Variants in PNPT1 observed in about 807,000 individuals in gnomAD.
PNPT1 encodes polyribonucleotide nucleotidyltransferase 1, mitochondrial.
In PNPT1, 53 loss-of-function variants were observed where a neutral mutation model predicts 119.5. That is an observed-to-expected ratio of 0.44 (90% CI 0.36 to 0.56). The LOEUF (loss-of-function observed/expected upper bound fraction) is 0.56, where lower values mean the gene tolerates loss of function less well. Ranked by LOEUF, PNPT1 falls within the 20% of genes least tolerant of loss-of-function variation. The pLI, the probability that PNPT1 is intolerant of heterozygous loss-of-function variation, is 0.00. For missense variants in PNPT1, 948 were observed against 938.5 expected (o/e 1.01, Z -0.13); for synonymous variants, 357 against 322.1 (o/e 1.11, Z -1.16).
chr2:55,656,150 A>G lies in PNPT1; in HGVS notation c.1422T>C (p.Ser474=), dbSNP rs1696379610. ...CCATACCATTTGACTCTAGGACTTC[A>G]GATGTAACTCTTATGGTGAAAGGAA... ...RDFPFTIRVT[S]EVLESNGSSS... Residue 474 remains serine, a synonymous_variant, in exon 17 of 28, where the codon TCT becomes TCC. Coordinates refer to ENST00000447944, the MANE Select transcript of PNPT1 (RefSeq NM_033109.5). The G allele has an allele frequency of 6.2e-7, 1 of 1,613,236 alleles. No homozygotes were observed. Among genetic ancestry groups the G allele is most frequent in the Non-Finnish European group, 8.5e-7 (1 of 1,179,630 alleles).
At position 55,660,298 on chromosome 2, in the gene PNPT1, G is replaced by A. The variant is rs910036299; in HGVS notation, c.1248-105C>T. 8.4e-5 allele frequency: 101 copies of A among 1,199,970 alleles called. No individual in the cohort carries two copies. The African/African-American group carries it at 1.5e-3, about 17-fold the overall frequency. The allele number at this position is 1,199,970 out of a possible 1,614,324, so 74.3% of individuals were successfully genotyped here. Reference sequence around the variant, plus strand: ...AGGGGATTTTACAAAAGAACTAGGTGTTAATGAAAAATCAGACTGAAACTG... The same window carrying A: ...AGGGGATTTTACAAAAGAACTAGGTATTAATGAAAAATCAGACTGAAACTG... On this transcript the variant is annotated intron_variant, in intron 14 of 27. Transcript: ENST00000447944.
chr2:55,677,331 C>T (rs1041770961), intron 8 of PNPT1, among the ~76,000 whole-genome samples: 4 of 152,208 alleles, frequency 2.6e-5, no homozygotes, highest in African/African-American at 7.2e-5. Context: ...CAGTGGCTCA[C>T]GCCTATAATC....
At chr2:55,650,933 CGGGA>C (rs1696163955) in intron 18 of PNPT1, among the ~76,000 whole-genome samples, 3 of 138,296 alleles carry the variant, frequency 2.2e-5, no homozygotes, top group Non-Finnish European at 4.8e-5. Flanking sequence ...CCGCCCCGTC[CGGGA>C]GGGAGGTGGG....
intron 14 of PNPT1, among the ~76,000 whole-genome samples, chr2:55,660,962 C>G (rs890896924): frequency 6.6e-6 from 1 of 152,086 alleles, no homozygotes; most frequent in Admixed American, 6.6e-5. Flanking sequence ...GAGGGCCGAG[C>G]CTTGTGGTCT....
Position 55,680,895 on chromosome 2 carries a change from T to G in PNPT1, c.477A>C (p.Val159=), listed in dbSNP as rs1433511252. ...GGACATCAGGCTCATTTACACCATC[T>G]ACTGCTAACAGATTACACAGAACCT... ...DTQVLCNLLA[V]DGVNEPDVLA... Residue 159 remains valine, a synonymous_variant, in exon 6 of 28, where the codon GTA becomes GTC. Coordinates refer to ENST00000447944, the MANE Select transcript of PNPT1 (RefSeq NM_033109.5). The G allele has an allele frequency of 1.2e-6, 2 of 1,614,070 alleles. No homozygotes were observed. The highest frequency in any genetic ancestry group is 1.1e-5 in the South Asian group (1 of 91,080).
chr2:55,644,856 A>AATTTT (rs1695936631), intron 22 of PNPT1, 136 bp from the exon 23 acceptor site: 1 of 491,786 alleles, frequency 2.0e-6, no homozygotes, highest in South Asian at 4.5e-5. Flanking sequence ...ACAGAAAAGT[A>AATTTT]GATGATTAAA....
intron 18 of PNPT1, among the ~76,000 whole-genome samples, chr2:55,650,301 C>A (rs1221949629): frequency 6.6e-6 from 1 of 152,196 alleles, no homozygotes; most frequent in Non-Finnish European, 1.5e-5. Flanking sequence ...CGCCGCCACG[C>A]CTGACTGGTT....
intron 15 of PNPT1, among the ~76,000 whole-genome samples, chr2:55,656,797 ATC>A (rs1214549561): frequency 1.3e-5 from 2 of 152,222 alleles, no homozygotes; most frequent in Non-Finnish European, 2.9e-5. Flanking sequence ...TTTTAGAGTT[ATC>A]TCTCTCCACT....
At chr2:55,637,032 G>GTT (rs1203797765) in intron 27 of PNPT1, among the ~76,000 whole-genome samples, 1 of 152,300 alleles carries the variant, frequency 6.6e-6, no homozygotes, top group East Asian at 1.9e-4. Flanking sequence ...GCGTATTAGC[G>GTT]TAAGTGAAAG....
intron 14 of PNPT1, among the ~76,000 whole-genome samples, chr2:55,661,618 C>T (rs563869725): frequency 6.6e-6 from 1 of 152,258 alleles, no homozygotes; most frequent in Non-Finnish European, 1.5e-5. Context: ...TGGGAGCTTT[C>T]GTGTATTCAT....
intron 9 of PNPT1, 89 bp downstream of exon 9, chr2:55,672,804 T>C (rs1201265996): frequency 1.2e-5 from 15 of 1,213,502 alleles, no homozygotes; most frequent in Admixed American, 4.8e-5. Context: ...AAGTAATGCA[T>C]GGGCAGTGCT....
chr2:55,670,634 T>A (rs1696882081), intron 11 of PNPT1, among the ~76,000 whole-genome samples: 1 of 152,238 alleles, frequency 6.6e-6, no homozygotes, highest in Non-Finnish European at 1.5e-5. Flanking sequence ...GGCACAGATG[T>A]AAATGATTCA....
chr2:55,665,672 G>A (rs183435791), intron 13 of PNPT1, among the ~76,000 whole-genome samples: 26 of 152,302 alleles, frequency 1.7e-4, no homozygotes, highest in African/African-American at 6.0e-4. Context: ...GTGCCCTGGA[G>A]GTGTGCAGTT....
At chr2:55,640,283 A>G (rs1695795809) in intron 26 of PNPT1, among the ~76,000 whole-genome samples, 1 of 152,072 alleles carries the variant, frequency 6.6e-6, no homozygotes, top group Admixed American at 6.6e-5. Flanking sequence ...CCTCCCGAGT[A>G]GCTAAGACTA....
chr2:55,646,476 T>A lies in PNPT1; in HGVS notation c.1613A>T (p.Asp538Val). 6.2e-7 allele frequency: 1 copy of A among 1,609,748 alleles called. No individual in the cohort carries two copies. The highest frequency in any genetic ancestry group is 8.5e-7 in the Non-Finnish European group (1 of 1,178,576). Residue 538 changes from aspartate (D) to valine (V), a missense_variant, in exon 20 of 28, where the codon GAT becomes GTT. Coordinates refer to ENST00000447944, the MANE Select transcript of PNPT1 (RefSeq NM_033109.5). ...TTTGAAGTCCATGTCACCATTGTAA[T>A]CTTCAATTCCCTTCAGGAATTTAAA... ...RLLTDILGIE[D>V]YNGDMDFKIA...
chr2:55,670,577 TTAAGAA>T (rs928752626), intron 11 of PNPT1, among the ~76,000 whole-genome samples: 2 of 152,236 alleles, frequency 1.3e-5, no homozygotes, highest in African/African-American at 4.8e-5. Flanking sequence ...CCACTAGGTA[TTAAGAA>T]TAGCATCAGT....
At chr2:55,684,846 G>C in intron 4 of PNPT1, 97 bp downstream of exon 4, 1 of 1,328,934 alleles carries the variant, frequency 7.5e-7, no homozygotes. Flanking sequence ...ATGCTATGAA[G>C]GAAAACTTAA....
At chr2:55,679,911 T>A in intron 7 of PNPT1, 116 bp from the exon 8 acceptor site, 1 of 697,652 alleles carries the variant, frequency 1.4e-6, no homozygotes, top group Non-Finnish European at 2.4e-6. Flanking sequence ...AAAATCCATG[T>A]TTCTACACGG....
chr2:55,680,959 T>C, intron 5 of PNPT1, 41 bp from the exon 6 acceptor site: 2 of 1,522,824 alleles, frequency 1.3e-6, no homozygotes, highest in Non-Finnish European at 1.8e-6. Context: ...GGGTTATCAT[T>C]TAGGTTAACA....
Sources: allele counts gnomAD v4.1 joint callset (sites outside exome capture counted in the v4.1 genomes callset), GRCh38; gene constraint gnomAD v4.1.1; transcripts MANE v1.5; gene names NCBI Gene and HGNC (gene_info 2026-07-23, HGNC 2026-07-21).